DNAI4: variants seen among roughly 807,000 people sequenced by gnomAD.
DNAI4 encodes the protein dynein axonemal intermediate chain 4.
DNAI4 carries 85 observed loss-of-function variants against 105.8 expected under a neutral mutation model. The observed-to-expected ratio is 0.80, with a 90% CI of 0.67 to 0.96. The LOEUF is 0.96. Ranked by LOEUF, DNAI4 falls within the 40% of genes least tolerant of loss-of-function variation. The pLI is 0.00. For synonymous variants in DNAI4, 352 were observed against 331.5 expected (o/e 1.06, Z -0.67); for missense variants, 1,014 against 1,005.6 (o/e 1.01, Z -0.11).
intron 1 of DNAI4, among the ~76,000 whole-genome samples, chr1:66,913,520 C>T (rs1649815695): frequency 6.6e-6 from 1 of 152,084 alleles, no homozygotes; most frequent in African/African-American, 2.4e-5. Context: ...CCCTGGGTAC[C>T]CTGGGACCTC....
intron 1 of DNAI4, among the ~76,000 whole-genome samples, chr1:66,923,507 A>C (rs906859868): frequency 6.6e-6 from 1 of 152,240 alleles, no homozygotes; most frequent in Non-Finnish European, 1.5e-5. Context: ...AGAACTAGGA[A>C]GAGTGGTTTC....
At chr1:66,883,391 C>T (rs1647123549) in intron 4 of DNAI4, among the ~76,000 whole-genome samples, 2 of 152,044 alleles carry the variant, frequency 1.3e-5, no homozygotes, top group African/African-American at 4.8e-5. Context: ...GACTCTCCTG[C>T]TTCAGCTTCC....
At chr1:66,852,745 T>A (rs1302203294) in intron 7 of DNAI4, among the ~76,000 whole-genome samples, 2 of 152,034 alleles carry the variant, frequency 1.3e-5, no homozygotes. Flanking sequence ...TATAAACTCA[T>A]GTGTTGAAAT....
At chr1:66,922,325 GAC>G (rs1200818222) in intron 1 of DNAI4, among the ~76,000 whole-genome samples, 4 of 57,636 alleles carry the variant, frequency 6.9e-5, no homozygotes, top group Non-Finnish European at 9.9e-5. Context: ...AGGACTCTTT[GAC>G]ACAGTTACCT....
intron 7 of DNAI4, among the ~76,000 whole-genome samples, chr1:66,860,525 T>G (rs1255488121): frequency 1.3e-5 from 2 of 152,082 alleles, no homozygotes; most frequent in Non-Finnish European, 2.9e-5. Flanking sequence ...TTTCTTTTCC[T>G]AGTTCTAGTT....
intron 1 of DNAI4, among the ~76,000 whole-genome samples, chr1:66,923,591 T>G (rs1302054573): frequency 6.6e-6 from 1 of 152,196 alleles, no homozygotes; most frequent in Non-Finnish European, 1.5e-5. Context: ...TCAAAAAGAA[T>G]GAAACTGTGG....
intron 6 of DNAI4, 124 bp downstream of exon 6, chr1:66,871,246 T>G: frequency 2.6e-6 from 2 of 755,102 alleles, no homozygotes; most frequent in Non-Finnish European, 4.1e-6. Context: ...CCAACTACTG[T>G]TGTGGTTTGG....
chr1:66,879,213 G>T (rs555085766), intron 4 of DNAI4, among the ~76,000 whole-genome samples: 1 of 152,012 alleles, frequency 6.6e-6, no homozygotes, highest in African/African-American at 2.4e-5. Context: ...CCCTGCTACC[G>T]ACCATTGATT....
Position 66,814,487 on chromosome 1 carries a change from G to T in DNAI4, c.2497-307C>A, listed in dbSNP as rs1014690815. ...GGGTTCAAGCAATTCTCCTGCCTCA[G>T]CCTCCTGAGTGGCTGGGACTACAGG... is the stretch of plus-strand genomic sequence containing the variant. On this transcript the variant is annotated intron_variant, in intron 16 of 16. Transcript: ENST00000371026. Among the ~76,000 whole-genome samples the T allele has an allele frequency of 2.2e-4, 33 of 152,130 alleles. 1 individual carries two copies. In the Middle Eastern group the frequency reaches 0.01, roughly 47 times the overall value.
intron 7 of DNAI4, among the ~76,000 whole-genome samples, chr1:66,858,394 G>A (rs776412398): frequency 2.6e-5 from 4 of 151,554 alleles, no homozygotes; most frequent in Non-Finnish European, 5.9e-5. Flanking sequence ...TTAGCCGGGC[G>A]TGGTGGCGGG....
At chr1:66,877,919 C>A (rs1646990759) in intron 4 of DNAI4, among the ~76,000 whole-genome samples, 1 of 152,152 alleles carries the variant, frequency 6.6e-6, no homozygotes, top group African/African-American at 2.4e-5. Context: ...CATATCATAT[C>A]AAAGATACAT....
chr1:66,919,980 A>G (rs1257766833), intron 1 of DNAI4, among the ~76,000 whole-genome samples: 5 of 152,226 alleles, frequency 3.3e-5, no homozygotes, highest in African/African-American at 9.6e-5. Flanking sequence ...TGGGCAGAAG[A>G]AGGCAGGTCC....
chr1:66,905,359 G>T lies in DNAI4; in HGVS notation c.187C>A (p.Pro63Thr). 6.8e-7 allele frequency: 1 copy of T among 1,479,812 alleles called. No individual in the cohort carries two copies. Among genetic ancestry groups the T allele is most frequent in the Non-Finnish European group, 9.1e-7 (1 of 1,098,884 alleles). 91.7% of individuals were successfully genotyped at this position (1,479,812 alleles called of 1,614,324 possible). A position where few individuals can be genotyped will look rare whatever the true frequency, so the allele number is the denominator to read the frequency against. Residue 63 changes from proline to threonine, a missense_variant, in exon 2 of 17, where the codon CCA becomes ACA. Transcript: ENST00000371026. ...QNFGLNNATQ[P>T]KKSISFFATM... Reference sequence around the variant, plus strand: ...GCAAAAAAGCTAATAGACTTCTTTGGTTGTGTGGCATTGTTCCTATATAAG... The same window carrying T: ...GCAAAAAAGCTAATAGACTTCTTTGTTTGTGTGGCATTGTTCCTATATAAG...
At chr1:66,823,429 T>G (rs1240765324) in intron 15 of DNAI4, among the ~76,000 whole-genome samples, 1 of 151,912 alleles carries the variant, frequency 6.6e-6, no homozygotes, top group Non-Finnish European at 1.5e-5. Flanking sequence ...TACCCAGTAA[T>G]GGGATGGCTG....
chr1:66,835,479 G>T, intron 11 of DNAI4, 147 bp downstream of exon 11: 1 of 835,602 alleles, frequency 1.2e-6, no homozygotes, highest in Non-Finnish European at 1.8e-6. Flanking sequence ...CAGCTGGAGA[G>T]ACAATATGAG....
chr1:66,911,057 C>A (rs1312392515), intron 1 of DNAI4, among the ~76,000 whole-genome samples: 2 of 152,144 alleles, frequency 1.3e-5, no homozygotes. Context: ...AGAGCTCAGT[C>A]CCATAAGACT....
intron 7 of DNAI4, among the ~76,000 whole-genome samples, chr1:66,853,028 G>T (rs977767045): frequency 6.6e-6 from 1 of 152,184 alleles, no homozygotes; most frequent in Admixed American, 6.5e-5. Flanking sequence ...CTCTCTAGAA[G>T]GGCCCTGACC....
chr1:66,893,402 T>C lies in DNAI4; in HGVS notation c.357A>G (p.Ile119Met), dbSNP rs1648033228. ...GTCGGGGAGTAACATCAGTTCCATT[T>C]ATGTCAAATACCTGTTAAAAATGGT... Reference protein sequence around the residue: ...PNIKTTQVFDINGTDVTPRPL... With the variant: ...PNIKTTQVFDMNGTDVTPRPL... The change falls in exon 3 of 17, where the codon ATA (isoleucine) becomes ATG (methionine). Residue 119 changes from isoleucine (I) to methionine (M), a missense_variant. Transcript: ENST00000371026. 2 of 1,553,228 alleles carry C rather than the reference T, an allele frequency of 1.3e-6. No homozygotes were observed. The highest frequency in any genetic ancestry group is 2.4e-5 in the East Asian group (1 of 42,186).
intron 2 of DNAI4, among the ~76,000 whole-genome samples, chr1:66,895,382 T>G (rs1421709339): frequency 6.6e-6 from 1 of 152,174 alleles, no homozygotes; most frequent in Non-Finnish European, 1.5e-5. Flanking sequence ...GCAAGAGGAC[T>G]GCTTAAGCCC....
Sources: allele counts gnomAD v4.1 joint callset (sites outside exome capture counted in the v4.1 genomes callset), GRCh38; gene constraint gnomAD v4.1.1; transcripts MANE v1.5; gene names NCBI Gene and HGNC (gene_info 2026-07-23, HGNC 2026-07-21).